Variants in KLF8 observed in about 807,000 individuals in gnomAD.
KLF8 encodes Krueppel-like factor 8.
In KLF8, 10 loss-of-function variants were observed where a neutral mutation model predicts 18.2. The ratio of observed to expected loss-of-function variants is 0.55; its 90% CI spans 0.34 to 0.93. KLF8 has a LOEUF of 0.93. Among genes scored for constraint, KLF8 ranks in the 40% least tolerant of loss-of-function variants. The pLI is 0.02. For synonymous variants in KLF8, 109 were observed against 97.3 expected, an observed-to-expected ratio of 1.12 and a Z score of -0.71; for missense variants, 264 against 277.9, an observed-to-expected ratio of 0.95 and a Z score of 0.36.
the KLF8 span, among the ~76,000 whole-genome samples, chrX:56,013,254 T>A: frequency 9.8e-5 from 11 of 112,560 alleles, no homozygotes; most frequent in Admixed American, 8.4e-4. Context: ...CTGTAGCCCC[T>A]TCGTTTTGGC....
At chrX:55,973,947 C>T in the KLF8 span, among the ~76,000 whole-genome samples, 3 of 111,516 alleles carry the variant, frequency 2.7e-5, no homozygotes, top group African/African-American at 6.5e-5. Flanking sequence ...TGCTCATCAA[C>T]GGTGGTCTGG....
At chrX:56,128,559 A>G in the KLF8 span, among the ~76,000 whole-genome samples, 2 of 111,778 alleles carry the variant, frequency 1.8e-5, no homozygotes, top group African/African-American at 3.3e-5. Context: ...TAGAAAATAA[A>G]GAAGTATGTC....
the KLF8 span, among the ~76,000 whole-genome samples, chrX:56,038,719 C>T: frequency 4.4e-5 from 5 of 112,434 alleles, no homozygotes; most frequent in Non-Finnish European, 7.5e-5. Flanking sequence ...ATATTCCTTT[C>T]GGTATATACC....
At chrX:56,041,878 C>T in the KLF8 span, among the ~76,000 whole-genome samples, 33 of 111,479 alleles carry the variant, frequency 3.0e-4, 1 homozygote, top group African/African-American at 6.2e-4. Flanking sequence ...TTAGTAGAGA[C>T]GCAGTTTCAC....
At chrX:55,951,320 A>C in the KLF8 span, among the ~76,000 whole-genome samples, 8 of 108,985 alleles carry the variant, frequency 7.3e-5, no homozygotes, top group Non-Finnish European at 1.5e-4. Flanking sequence ...TACTAAAAAT[A>C]CAAAAATTTG....
the KLF8 span, among the ~76,000 whole-genome samples, chrX:56,064,430 T>A: frequency 2.7e-5 from 3 of 110,228 alleles, no homozygotes; most frequent in African/African-American, 9.9e-5. Context: ...GAGTTTCTTG[T>A]GAGCAGCATA....
At chrX:56,168,904 A>G in the KLF8 span, among the ~76,000 whole-genome samples, 1 of 111,740 alleles carries the variant, frequency 8.9e-6, no homozygotes, top group African/African-American at 3.3e-5. Flanking sequence ...AAGACCCTGA[A>G]TAGCCAAAGC....
the KLF8 span, among the ~76,000 whole-genome samples, chrX:55,941,180 C>A: frequency 9.0e-6 from 1 of 111,647 alleles, no homozygotes. Context: ...AGATATAAAC[C>A]AATGTAACAG....
chrX:55,988,096 T>C, the KLF8 span, among the ~76,000 whole-genome samples: 2 of 112,141 alleles, frequency 1.8e-5, no homozygotes, highest in Non-Finnish European at 3.8e-5. Flanking sequence ...AGATTCTGGA[T>C]ATTAGCCCTT....
At chrX:55,966,582 C>G in the KLF8 span, among the ~76,000 whole-genome samples, 1 of 112,185 alleles carries the variant, frequency 8.9e-6, no homozygotes, top group Non-Finnish European at 1.9e-5. Context: ...GCAGATATGT[C>G]TGCAGTGACC....
At chrX:56,205,969 C>A in the KLF8 span, among the ~76,000 whole-genome samples, 5 of 111,725 alleles carry the variant, frequency 4.5e-5, no homozygotes, top group Non-Finnish European at 9.4e-5. Flanking sequence ...GCTGGGGAGA[C>A]CTCACAATCA....
At chrX:56,153,528 C>G in the KLF8 span, among the ~76,000 whole-genome samples, 2 of 111,508 alleles carry the variant, frequency 1.8e-5, no homozygotes, top group Admixed American at 9.6e-5. Flanking sequence ...GTACTTACAA[C>G]ACTATGTTGA....
chrX:56,167,256 G>T, the KLF8 span, among the ~76,000 whole-genome samples: 1 of 111,046 alleles, frequency 9.0e-6, no homozygotes. Context: ...TCAGTCTCCC[G>T]AGTAGCTGAG....
chrX:56,176,233 G>A, the KLF8 span, among the ~76,000 whole-genome samples: 1 of 111,838 alleles, frequency 8.9e-6, no homozygotes, highest in African/African-American at 3.2e-5. Context: ...TTTTGCAGTG[G>A]CTGGTACCGG....
At chrX:56,110,097 C>G in the KLF8 span, among the ~76,000 whole-genome samples, 1 of 111,459 alleles carries the variant, frequency 9.0e-6, no homozygotes, top group East Asian at 2.8e-4. Context: ...CATCTATGTC[C>G]CTGCAAAGGA....
chrX:56,184,237 G>A, the KLF8 span, among the ~76,000 whole-genome samples: 12 of 112,488 alleles, frequency 1.1e-4, no homozygotes, highest in Non-Finnish European at 1.9e-4. Context: ...ACCTGGCTCA[G>A]AGAGTCCTAT....
the KLF8 span, among the ~76,000 whole-genome samples, chrX:56,213,843 T>A: frequency 9.0e-6 from 1 of 111,309 alleles, no homozygotes; most frequent in Non-Finnish European, 1.9e-5. Flanking sequence ...GGGCACAGGA[T>A]CAGTGTGACA....
At chrX:55,967,963 A>G in the KLF8 span, among the ~76,000 whole-genome samples, 1 of 111,536 alleles carries the variant, frequency 9.0e-6, no homozygotes, top group Admixed American at 9.5e-5. Context: ...AGTTTAAAAT[A>G]ATGGATTTTA....
At chrX:56,212,256 A>G in the KLF8 span, among the ~76,000 whole-genome samples, 1 of 111,739 alleles carries the variant, frequency 8.9e-6, no homozygotes, top group African/African-American at 3.3e-5. Flanking sequence ...TTTCTTTTGT[A>G]GCTCAGAACT....
Sources: allele counts gnomAD v4.1 joint callset (sites outside exome capture counted in the v4.1 genomes callset), GRCh38; gene constraint gnomAD v4.1.1; transcripts MANE v1.5; gene names NCBI Gene and HGNC (gene_info 2026-07-23, HGNC 2026-07-21).